ZNF362: variants seen among roughly 807,000 people sequenced by gnomAD.
ZNF362 encodes the protein rotund homolog.
In ZNF362, 11 loss-of-function variants were observed where a neutral mutation model predicts 42.9. That is an observed-to-expected ratio of 0.26 (90% CI 0.16 to 0.42). The LOEUF is 0.42. Among genes scored for constraint, ZNF362 ranks in the 20% least tolerant of loss-of-function variants. The pLI is 1.00. For synonymous variants in ZNF362, 255 were observed against 257.3 expected (o/e 0.99, Z 0.09); for missense variants, 362 against 576.2 (o/e 0.63, Z 3.81).
chr1:33,179,864 A>T, the ZNF362 span, among the ~76,000 whole-genome samples: 4 of 152,214 alleles, frequency 2.6e-5, no homozygotes, highest in Admixed American at 2.6e-4. Context: ...TTGCAACAAA[A>T]TTTCTCTAAG....
the ZNF362 span, among the ~76,000 whole-genome samples, chr1:33,180,357 G>C: frequency 6.6e-6 from 1 of 152,040 alleles, no homozygotes; most frequent in African/African-American, 2.4e-5. Context: ...ATCTAAACTT[G>C]TTGTAGAGTA....
intron 1 of ZNF362, among the ~76,000 whole-genome samples, chr1:33,259,346 T>C (rs1645814496): frequency 6.6e-6 from 1 of 152,130 alleles, no homozygotes; most frequent in Admixed American, 6.5e-5. Context: ...AGGAATAGGC[T>C]ATCTGCAGTC....
At chr1:33,261,828 G>A (rs748185675) in intron 1 of ZNF362, 3 of 152,264 alleles carry the variant, frequency 2.0e-5, no homozygotes, top group African/African-American at 2.4e-5. Flanking sequence ...CCAAGGCCAC[G>A]TGCATCTCTG....
chr1:33,241,091 G>A, the ZNF362 span, among the ~76,000 whole-genome samples: 4 of 147,172 alleles, frequency 2.7e-5, no homozygotes, highest in African/African-American at 7.5e-5. Context: ...CAATTCCCCC[G>A]CCCCGCCCCA....
At chr1:33,217,871 A>G in the ZNF362 span, among the ~76,000 whole-genome samples, 5 of 152,190 alleles carry the variant, frequency 3.3e-5, no homozygotes, top group Non-Finnish European at 7.3e-5. Context: ...TCACTCCATA[A>G]TATGTCATGG....
At chr1:33,242,681 G>C in the ZNF362 span, among the ~76,000 whole-genome samples, 26 of 152,184 alleles carry the variant, frequency 1.7e-4, no homozygotes, top group Non-Finnish European at 3.7e-4. Context: ...GAGGTGGGTT[G>C]AGAAGTGGAA....
At position 33,280,985 on chromosome 1, in the gene ZNF362, C is replaced by G. The variant is rs907613377; in HGVS notation, c.683+528C>G. Among the ~76,000 whole-genome samples, 2 of 152,124 alleles carry G rather than the reference C, an allele frequency of 1.3e-5. No individual in the cohort carries two copies. The highest frequency in any genetic ancestry group is 4.8e-5 in the African/African-American group (2 of 41,414). ...TCAGGAGGCTGAGGCAAGAGAATAA[C>G]TCGAACTTGGGAGGCAGAGGCTGCA... On this transcript the variant is annotated intron_variant, in intron 5 of 8. Transcript: ENST00000539719. The surrounding 1 kb of genome is among the most constrained non-coding windows in gnomAD (Gnocchi z 5.6).
chr1:33,170,187 A>G, the ZNF362 span, among the ~76,000 whole-genome samples: 149,136 of 152,158 alleles, frequency 0.98, 73,141 homozygotes, highest in Middle Eastern at 1. Flanking sequence ...AAAATTAGCC[A>G]GGCATGGTGG....
intron 8 of ZNF362, among the ~76,000 whole-genome samples, chr1:33,295,781 C>T (rs1205204866): frequency 6.6e-6 from 1 of 152,186 alleles, no homozygotes; most frequent in African/African-American, 2.4e-5. Flanking sequence ...AAACGAGGGC[C>T]TTTTGGCACC....
In ZNF362 at chr1:33,281,954, G is replaced by A. The variant is rs1451294982; in HGVS notation, c.908+143G>A. ...GGTCACGGCCCTTGTGGACCTCACT[G>A]GCCTCAGCTGTTGTTACTGCACCCC... On this transcript the variant is annotated intron_variant, in intron 6 of 8. Transcript: ENST00000539719. The surrounding 1 kb of genome is among the most constrained non-coding windows in gnomAD (Gnocchi z 4.8). 2 of 747,826 alleles carry A rather than the reference G, an allele frequency of 2.7e-6. No homozygotes were observed. Among genetic ancestry groups the A allele is most frequent in the Non-Finnish European group, 4.4e-6 (2 of 457,034 alleles). The allele number at this position is 747,826 out of a possible 1,614,324, so 46.3% of individuals were successfully genotyped here. A position where few individuals can be genotyped will look rare whatever the true frequency, so the allele number is the denominator to read the frequency against.
chr1:33,273,685 A>T (rs570999298), intron 2 of ZNF362, among the ~76,000 whole-genome samples: 65 of 152,284 alleles, frequency 4.3e-4, no homozygotes, highest in African/African-American at 1.4e-3. Context: ...CCTGTTTCTC[A>T]TGCATGTGGC....
At chr1:33,155,982 T>C in the ZNF362 span, among the ~76,000 whole-genome samples, 1 of 152,194 alleles carries the variant, frequency 6.6e-6, no homozygotes, top group African/African-American at 2.4e-5. Context: ...GGTGAAGCCA[T>C]CAGAAGAGAA....
In ZNF362 at chr1:33,295,202, G is replaced by A. The variant is rs374616798; in HGVS notation, c.1043G>A (p.Arg348Gln). Residue 348 changes from arginine to glutamine, a missense_variant, in exon 8 of 9, where the codon CGG becomes CAG. By Grantham distance (43) the Arg-to-Gln change is conservative. Around this residue, in one of 3 missense-constraint regions of ZNF362, gnomAD observed 68 missense variants for 107.4 expected, o/e 0.63. Coordinates refer to ENST00000539719, the MANE Select transcript of ZNF362 (RefSeq NM_152493.3). ...DKPYKCPNCY[R>Q]AYSDSASLQI... ...CCCTACAAGTGTCCCAACTGCTACC[G>A]GGCCTATTCGGACTCCGCTTCTTTG... 5.0e-6 allele frequency: 8 copies of A among 1,614,058 alleles called. No individual in the cohort carries two copies. Among genetic ancestry groups the A allele is most frequent in the African/African-American group, 1.3e-5 (1 of 74,910 alleles).
At chr1:33,134,390 C>T in the ZNF362 span, among the ~76,000 whole-genome samples, 10 of 152,146 alleles carry the variant, frequency 6.6e-5, no homozygotes, top group Non-Finnish European at 1.5e-4. Context: ...GACTCTTTTC[C>T]CATGTTAGCT....
At chr1:33,194,323 C>A in the ZNF362 span, among the ~76,000 whole-genome samples, 1 of 151,888 alleles carries the variant, frequency 6.6e-6, no homozygotes, top group Non-Finnish European at 1.5e-5. Flanking sequence ...ATTGCTTAAG[C>A]CCAGGAGTTG....
At chr1:33,138,643 AAAG>A in the ZNF362 span, among the ~76,000 whole-genome samples, 1 of 151,212 alleles carries the variant, frequency 6.6e-6, no homozygotes, top group Non-Finnish European at 1.5e-5. Context: ...AAAAAAAAAA[AAAG>A]AAAAGGAAAG....
At chr1:33,212,269 GC>G in the ZNF362 span, among the ~76,000 whole-genome samples, 21 of 152,066 alleles carry the variant, frequency 1.4e-4, no homozygotes, top group South Asian at 3.3e-3. Context: ...AGTACTGTGA[GC>G]CACTTAAACC....
chr1:33,152,849 C>A, the ZNF362 span, among the ~76,000 whole-genome samples: 15 of 151,950 alleles, frequency 9.9e-5, no homozygotes, highest in African/African-American at 3.6e-4. Context: ...TAGCAGGGGG[C>A]GGGGAGAGCA....
At chr1:33,167,915 T>G in the ZNF362 span, among the ~76,000 whole-genome samples, 1 of 152,234 alleles carries the variant, frequency 6.6e-6, no homozygotes, top group African/African-American at 2.4e-5. The surrounding 1 kb of genome is among the most constrained non-coding windows in gnomAD (Gnocchi z 4.2). Flanking sequence ...TACCAGGCAC[T>G]GTTGAGGCAC....
Sources: allele counts gnomAD v4.1 joint callset (sites outside exome capture counted in the v4.1 genomes callset), GRCh38; gene constraint gnomAD v4.1.1; regional missense constraint gnomAD v4.1.1; non-coding constraint Gnocchi (gnomAD v3.1); transcripts MANE v1.5; gene names NCBI Gene and HGNC (gene_info 2026-07-23, HGNC 2026-07-21).